The following MYO18A variants were observed in gnomAD, a reference collection of about 807,000 sequenced individuals.
MYO18A encodes myosin XVIIIA.
Under a neutral mutation model 235.8 loss-of-function variants are expected in MYO18A, and 78 were observed. That is an observed-to-expected ratio of 0.33 (90% CI 0.28 to 0.40). The LOEUF is 0.40. Ranked by LOEUF, MYO18A falls within the 10% of genes least tolerant of loss-of-function variation. MYO18A has a pLI of 1.00. For synonymous variants in MYO18A, 977 were observed against 1,077.8 expected, an observed-to-expected ratio of 0.91 and a Z score of 1.83; for missense variants, 2,215 against 2,699.3, an observed-to-expected ratio of 0.82 and a Z score of 3.98.
chr17:29,162,796 T>C lies in MYO18A; in HGVS notation c.999+3146A>G, dbSNP rs548825405. ...AACGGTGTTCTCCCAGGCCTGCTGG[T>C]TGATTTCTACCAGGCCACAAATCTA... On this transcript the variant is annotated intron_variant, in intron 2 of 41. Coordinates refer to ENST00000527372, the MANE Select transcript of MYO18A (RefSeq NM_078471.4). Among the ~76,000 whole-genome samples the C allele has an allele frequency of 3.9e-5, 6 of 152,318 alleles. No homozygotes were observed. The South Asian group carries it at 1.2e-3, about 32-fold the overall frequency.
chr17:29,085,487 A>C (rs1304320953), intron 40 of MYO18A, 117 bp downstream of exon 40: 11 of 846,608 alleles, frequency 1.3e-5, no homozygotes, highest in Non-Finnish European at 9.7e-6. Context: ...GTGAGGCGGG[A>C]GTGTGGGGAG....
intron 2 of MYO18A, chr17:29,131,531 C>T: frequency 3.2e-6 from 2 of 622,420 alleles, no homozygotes; most frequent in Non-Finnish European, 4.0e-6. Context: ...AAGGGGCCTC[C>T]CTCACCCTGA....
chr17:29,123,662 T>C (rs917292863), intron 2 of MYO18A, among the ~76,000 whole-genome samples: 8 of 152,204 alleles, frequency 5.3e-5, no homozygotes, highest in African/African-American at 1.9e-4. Context: ...GAAATAACTC[T>C]GAATAGGAGG....
rs1568050458 is a variant in MYO18A at position 29,092,891 on chromosome 17, A to G, written c.5037T>C (p.Ala1679=). Residue 1679 remains alanine (A), a synonymous_variant, in exon 33 of 42, where the codon GCT becomes GCC. Transcript: ENST00000527372. ...QLMLDHLKNS[A]PSKREIAQLK... ...GCTGGGCAATCTCTCGCTTGCTGGG[A>G]GCACTGTTCTTCAGGTGGTCCAGCA... is the stretch of plus-strand genomic sequence containing the variant. 1 of 1,613,870 alleles carries G rather than the reference A, an allele frequency of 6.2e-7. No homozygotes were observed. Among genetic ancestry groups the G allele is most frequent in the Non-Finnish European group, 8.5e-7 (1 of 1,179,854 alleles).
intron 1 of MYO18A, among the ~76,000 whole-genome samples, chr17:29,172,131 G>C (rs532973325): frequency 2.0e-5 from 3 of 150,732 alleles, no homozygotes; most frequent in Non-Finnish European, 4.4e-5. Flanking sequence ...AGTAAGCCCA[G>C]TGTCAGAGCT....
intron 13 of MYO18A, 107 bp downstream of exon 13, chr17:29,115,244 G>T: frequency 6.9e-7 from 1 of 1,445,100 alleles, no homozygotes; most frequent in South Asian, 1.3e-5. Context: ...ATGGGACAGG[G>T]AGCCCCTGCT....
chr17:29,105,575 C>T (rs1270868352), intron 20 of MYO18A, among the ~76,000 whole-genome samples: 3 of 151,546 alleles, frequency 2.0e-5, no homozygotes, highest in African/African-American at 7.3e-5. Flanking sequence ...AGAAGGGGTA[C>T]GGGAAGAAGG....
At chr17:29,132,828 A>C (rs2067503208) in intron 2 of MYO18A, among the ~76,000 whole-genome samples, 1 of 152,200 alleles carries the variant, frequency 6.6e-6, no homozygotes, top group Non-Finnish European at 1.5e-5. Flanking sequence ...GGAGCAGAGA[A>C]AGGGAAGGGA....
At chr17:29,087,232 A>G in intron 37 of MYO18A, 111 bp from the exon 38 acceptor site, 1 of 1,152,372 alleles carries the variant, frequency 8.7e-7, no homozygotes, top group East Asian at 2.4e-5. Context: ...CTCTGGCTCC[A>G]CCGTTCATTG....
Position 29,110,566 on chromosome 17 carries a change from C to T in MYO18A, c.2957G>A (p.Gly986Asp). Residue 986 changes from glycine (G) to aspartate (D), a missense_variant, in exon 18 of 42, where the codon GGC becomes GAC. Gly to Asp is a moderately conservative substitution (Grantham distance 94). Transcript: ENST00000527372. Reference protein sequence around the residue: ...GRAGSATVLSGSIAGLEGGSQ... With the variant: ...GRAGSATVLSDSIAGLEGGSQ... ...GCCGCCCTCCAGGCCCGCGATGGAG[C>T]CAGAGAGCACCGTGGCACTGCCTGC... 6.2e-7 allele frequency: 1 copy of T among 1,612,820 alleles called. No homozygotes were observed. Among genetic ancestry groups the T allele is most frequent in the Non-Finnish European group, 8.5e-7 (1 of 1,179,484 alleles).
At chr17:29,122,844 C>T (rs1318520888) in intron 2 of MYO18A, among the ~76,000 whole-genome samples, 1 of 152,250 alleles carries the variant, frequency 6.6e-6, no homozygotes, top group Non-Finnish European at 1.5e-5. Context: ...AGAGGGTGCT[C>T]TACCCGGACC....
rs2065885435 is a variant in MYO18A at position 29,071,676 on chromosome 17, C to T, written c.*3094G>A. The T allele has an allele frequency of 1.3e-5, 2 of 152,232 alleles. No individual in the cohort carries two copies. Among genetic ancestry groups the T allele is most frequent in the South Asian group, 2.1e-4 (1 of 4,832 alleles). The allele number at this position is 152,232 out of a possible 1,614,324, so 9.4% of individuals were successfully genotyped here. On this transcript the variant is annotated 3_prime_UTR_variant, in exon 42 of 42. Coordinates refer to ENST00000527372, the MANE Select transcript of MYO18A (RefSeq NM_078471.4). ...CAATCCTCCCCGCCAAAGAGAGCAT[C>T]TCCCTCCATAGTATGTCCAAAGCAA... is the stretch of plus-strand genomic sequence containing the variant.
intron 20 of MYO18A, among the ~76,000 whole-genome samples, 192 bp from the exon 21 acceptor site, chr17:29,103,856 C>T (rs576525855): frequency 6.6e-6 from 1 of 152,258 alleles, no homozygotes; most frequent in African/African-American, 2.4e-5. Context: ...AGGAACAAAC[C>T]GTCTTGCTGG....
chr17:29,157,474 C>T (rs901295825), intron 2 of MYO18A, among the ~76,000 whole-genome samples: 5 of 152,158 alleles, frequency 3.3e-5, no homozygotes, highest in Admixed American at 1.3e-4. Flanking sequence ...TATGGATATC[C>T]GGATACTGCC....
chr17:29,162,500 T>C (rs1298410398), intron 2 of MYO18A, among the ~76,000 whole-genome samples: 1 of 152,220 alleles, frequency 6.6e-6, no homozygotes, highest in East Asian at 1.9e-4. Flanking sequence ...ACTCATCTAC[T>C]ACCCAGATGT....
At chr17:29,094,233 C>CTGCTCTGGAGA in intron 30 of MYO18A, 143 bp from the exon 31 acceptor site, 1 of 643,008 alleles carries the variant, frequency 1.6e-6, no homozygotes, top group Non-Finnish European at 2.7e-6. Flanking sequence ...CCCGTGGCAG[C>CTGCTCTGGAGA]AGCTTCTCCA....
Position 29,103,682 on chromosome 17 carries a change from T to A in MYO18A, c.3442-18A>T. The A allele has an allele frequency of 6.2e-7, 1 of 1,613,312 alleles. No individual in the cohort carries two copies. The highest frequency in any genetic ancestry group is 8.5e-7 in the Non-Finnish European group (1 of 1,179,646). On this transcript the variant is annotated intron_variant, in intron 20 of 41. Coordinates refer to ENST00000527372, the MANE Select transcript of MYO18A (RefSeq NM_078471.4). ...TCCACTGCCTGTGGAGAGAGGCCTC[T>A]GTCAGGCAGCCCGCCTGGGCCTCCC... is the stretch of plus-strand genomic sequence containing the variant.
At chr17:29,151,851 A>G (rs2067969749) in intron 2 of MYO18A, among the ~76,000 whole-genome samples, 2 of 152,212 alleles carry the variant, frequency 1.3e-5, no homozygotes, top group East Asian at 3.8e-4. Context: ...AGCCTCATCC[A>G]GGGCATGCCA....
chr17:29,177,578 TG>T (rs1167120223), intron 1 of MYO18A, among the ~76,000 whole-genome samples: 4 of 151,976 alleles, frequency 2.6e-5, no homozygotes, highest in Non-Finnish European at 5.9e-5. Flanking sequence ...GAAGAAATGG[TG>T]ATGGGGTGGG....
Sources: allele counts gnomAD v4.1 joint callset (sites outside exome capture counted in the v4.1 genomes callset), GRCh38; gene constraint gnomAD v4.1.1; transcripts MANE v1.5; gene names NCBI Gene and HGNC (gene_info 2026-07-23, HGNC 2026-07-21).